CTNND2: variants seen among roughly 807,000 people sequenced by gnomAD.
The protein encoded by CTNND2 is catenin delta 2, also known as catenin delta-2.
CTNND2 carries 22 observed loss-of-function variants against 144.4 expected under a neutral mutation model. The ratio of observed to expected loss-of-function variants is 0.15; its 90% CI spans 0.11 to 0.22. The LOEUF is 0.22. CTNND2 is among the 10% of genes least tolerant of loss of function. The pLI, the probability that CTNND2 is intolerant of heterozygous loss-of-function variation, is 1.00. For missense variants in CTNND2, 1,353 were observed against 1,618.8 expected (o/e 0.84, Z 2.82); for synonymous variants, 751 against 695.6 (o/e 1.08, Z -1.25).
At chr5:11,225,173 A>C (rs918920119) in intron 10 of CTNND2, among the ~76,000 whole-genome samples, 8 of 152,102 alleles carry the variant, frequency 5.3e-5, no homozygotes, top group African/African-American at 1.9e-4. Context: ...AAAACAGCTG[A>C]ATTTCTCCAG....
intron 21 of CTNND2, among the ~76,000 whole-genome samples, chr5:10,976,917 T>G (rs1211487772): frequency 6.6e-6 from 1 of 152,218 alleles, no homozygotes; most frequent in Non-Finnish European, 1.5e-5. Context: ...CTTCAAAGCA[T>G]AATCCCAAGA....
chr5:11,601,413 G>C (rs1779787497), intron 2 of CTNND2, among the ~76,000 whole-genome samples: 1 of 151,874 alleles, frequency 6.6e-6, no homozygotes, highest in Admixed American at 6.6e-5. Flanking sequence ...TGAAAGGAAG[G>C]CACATCATAT....
intron 9 of CTNND2, among the ~76,000 whole-genome samples, chr5:11,242,912 G>A (rs376659517): frequency 1.3e-5 from 2 of 152,148 alleles, no homozygotes; most frequent in Non-Finnish European, 2.9e-5. Context: ...CTATTTTACT[G>A]CATTTCTCTT....
At chr5:11,240,992 C>A (rs574658258) in intron 9 of CTNND2, among the ~76,000 whole-genome samples, 1 of 147,120 alleles carries the variant, frequency 6.8e-6, no homozygotes, top group East Asian at 2.1e-4. Flanking sequence ...CACACACACC[C>A]AACACACACA....
chr5:11,017,830 C>T (rs1381057018), intron 18 of CTNND2, 144 bp downstream of exon 18: 6 of 646,264 alleles, frequency 9.3e-6, no homozygotes, highest in Non-Finnish European at 1.7e-5. Context: ...GACACATTGC[C>T]TCTTTTCTGG....
At chr5:11,126,849 G>A (rs1287513141) in intron 12 of CTNND2, among the ~76,000 whole-genome samples, 1 of 152,168 alleles carries the variant, frequency 6.6e-6, no homozygotes, top group Non-Finnish European at 1.5e-5. Context: ...GTCATGGGTG[G>A]TAACTTAAAA....
chr5:11,079,102 T>C (rs1439570137), intron 16 of CTNND2, among the ~76,000 whole-genome samples: 3 of 152,220 alleles, frequency 2.0e-5, no homozygotes, highest in Admixed American at 6.5e-5. Flanking sequence ...AAAGGCTTAA[T>C]ATACCACTAT....
rs573093295 is a variant in CTNND2 at position 11,671,393 on chromosome 5, C to T, written c.174+60743G>A. Among the ~76,000 whole-genome samples, 9 of 152,206 alleles carry T rather than the reference C, an allele frequency of 5.9e-5. No individual in the cohort carries two copies. The East Asian group carries it at 1.7e-3, about 29-fold the overall frequency. On this transcript the variant is annotated intron_variant, in intron 2 of 21. Transcript: ENST00000304623. Reference sequence around the variant, plus strand: ...TGTTTTCTGACTTGGTTCCATTATCCCTGTCACTTTCAGGTACACCAATCA... The same window carrying T: ...TGTTTTCTGACTTGGTTCCATTATCTCTGTCACTTTCAGGTACACCAATCA...
intron 9 of CTNND2, among the ~76,000 whole-genome samples, chr5:11,255,382 C>T (rs1234137461): frequency 1.3e-5 from 2 of 152,148 alleles, no homozygotes; most frequent in African/African-American, 4.8e-5. Context: ...GCACAGAGGC[C>T]GACTAGAACT....
chr5:11,543,007 T>A (rs1278944840), intron 3 of CTNND2, among the ~76,000 whole-genome samples: 1 of 152,220 alleles, frequency 6.6e-6, no homozygotes, highest in African/African-American at 2.4e-5. Flanking sequence ...TGGATAAACA[T>A]GTGTGCACCT....
At chr5:11,271,480 T>C (rs1746005002) in intron 9 of CTNND2, among the ~76,000 whole-genome samples, 1 of 152,164 alleles carries the variant, frequency 6.6e-6, no homozygotes, top group Admixed American at 6.5e-5. Context: ...CCTGGTTTAT[T>C]GGGTATTTCC....
chr5:11,521,241 C>G (rs1772691300), intron 3 of CTNND2, among the ~76,000 whole-genome samples: 1 of 152,140 alleles, frequency 6.6e-6, no homozygotes, highest in African/African-American at 2.4e-5. Flanking sequence ...TCTACATTCT[C>G]CCCCAGCGAT....
chr5:11,009,678 C>G (rs1035833522), intron 18 of CTNND2, among the ~76,000 whole-genome samples: 1 of 152,152 alleles, frequency 6.6e-6, no homozygotes, highest in Non-Finnish European at 1.5e-5. Flanking sequence ...ACGAGCGAAG[C>G]CTTGTGAAAT....
chr5:11,693,623 T>C (rs1217570608), intron 2 of CTNND2, among the ~76,000 whole-genome samples: 1 of 152,228 alleles, frequency 6.6e-6, no homozygotes, highest in Admixed American at 6.5e-5. Context: ...GACAGGGCTG[T>C]TTGTGTCTTT....
At chr5:11,578,669 G>GAATGAATAAATA (rs372696767) in intron 2 of CTNND2, among the ~76,000 whole-genome samples, 58 of 146,102 alleles carry the variant, frequency 4.0e-4, no homozygotes, top group African/African-American at 8.1e-4. Flanking sequence ...ACAAATACAT[G>GAATGAATAAATA]AATAAATAAA....
At chr5:11,900,654 A>C (rs1487678550) in intron 1 of CTNND2, among the ~76,000 whole-genome samples, 1 of 152,218 alleles carries the variant, frequency 6.6e-6, no homozygotes, top group African/African-American at 2.4e-5. Flanking sequence ...CACACACCAG[A>C]AGGCTATCAA....
At chr5:11,450,202 G>A (rs1206664760) in intron 3 of CTNND2, among the ~76,000 whole-genome samples, 1 of 152,166 alleles carries the variant, frequency 6.6e-6, no homozygotes, top group Non-Finnish European at 1.5e-5. Context: ...TCCCACTGCT[G>A]AGATTTCCTT....
In CTNND2 at chr5:11,103,333, C is replaced by A. The variant is rs117181585; in HGVS notation, c.2464-4585G>T. Among the ~76,000 whole-genome samples, 186 of 152,068 alleles carry A rather than the reference C, an allele frequency of 1.2e-3. 5 individuals carry two copies. The East Asian group carries it at 0.027, about 22-fold the overall frequency. The stretch of plus-strand genomic sequence containing the variant: ...GGTTTGAGAATGAAAGAGTGGAAGC[C>A]ATTTGCTCCTTATATGAAGAGAAAG... On this transcript the variant is annotated intron_variant, in intron 14 of 21. Transcript: ENST00000304623.
At chr5:11,285,980 G>A (rs1366862749) in intron 9 of CTNND2, among the ~76,000 whole-genome samples, 1 of 66,626 alleles carries the variant, frequency 1.5e-5, no homozygotes, top group Admixed American at 1.2e-4. Flanking sequence ...CATAAATGTA[G>A]GAGTAATATT....
Sources: gnomAD v4.1 joint callset for allele counts (sites outside exome capture counted in the v4.1 genomes callset) on GRCh38, gnomAD v4.1.1 for gene constraint, MANE v1.5 for transcripts, NCBI Gene and HGNC (gene_info 2026-07-23, HGNC 2026-07-21) for gene names.